The following RRP7A variants were observed in gnomAD, a reference collection of about 807,000 sequenced individuals.
RRP7A encodes ribosomal RNA-processing protein 7 homolog A.
Under a neutral mutation model 38.4 loss-of-function variants are expected in RRP7A, and 27 were observed. That is an observed-to-expected ratio of 0.70 (90% CI 0.52 to 0.97). The LOEUF (loss-of-function observed/expected upper bound fraction) is 0.97, where lower values mean the gene tolerates loss of function less well. Among genes scored for constraint, RRP7A ranks in the 50% least tolerant of loss-of-function variants. The pLI is 0.00. For missense variants in RRP7A, 327 were observed against 375.4 expected (o/e 0.87, Z 1.07); for synonymous variants, 124 against 150.3 (o/e 0.83, Z 1.28).
At chr22:42,519,595 C>G in intron 1 of RRP7A, 119 bp downstream of exon 1, 1 of 868,254 alleles carries the variant, frequency 1.2e-6, no homozygotes, top group South Asian at 2.4e-5. Flanking sequence ...GGGCCACGGG[C>G]CACCGGGGCT....
rs778681044 is a variant in RRP7A at position 42,514,696 on chromosome 22, G to T, written c.544C>A (p.Gln182Lys). Reference protein sequence around the residue: ...EVDTFMEAYDQKIAEEEAKAK... With the variant: ...EVDTFMEAYDKKIAEEEAKAK... The stretch of plus-strand genomic sequence containing the variant: ...GGGGCCTCTACCTCAGCGATCTTCT[G>T]GTCATATGCCTCCATGAACGTGTCC... Residue 182 changes from glutamine (Q) to lysine (K), a missense_variant, in exon 5 of 7, where the codon CAG becomes AAG. Transcript: ENST00000323013. 177 of 1,608,770 alleles carry T rather than the reference G, an allele frequency of 1.1e-4. 1 individual carries two copies. The highest frequency in any genetic ancestry group is 3.3e-4 in the Middle Eastern group (2 of 6,024).
In RRP7A at chr22:42,510,441, G is replaced by A. The variant is rs1324968116; in HGVS notation, c.*2469C>T. 3.5e-6 allele frequency: 1 copy of A among 288,002 alleles called. No homozygotes were observed. Among genetic ancestry groups the A allele is most frequent in the East Asian group, 7.6e-5 (1 of 13,240 alleles). The allele number at this position is 288,002 out of a possible 1,614,324, so 17.8% of individuals were successfully genotyped here. On this transcript the variant is annotated 3_prime_UTR_variant, in exon 7 of 7. Transcript: ENST00000323013. ...CAGCACTTGCTTGCGCCTGGCTTGT[G>A]CCAGCTGAGCGTGAGCTGAGATTAA...
In RRP7A at chr22:42,513,041, G is replaced by A. The variant is rs751032407; in HGVS notation, c.758-46C>T. On this transcript the variant is annotated intron_variant, in intron 6 of 6. Transcript: ENST00000323013. ...GGGGCAGGGTCAGACAGCGCGCCCC[G>A]GGGAAGCTGGCTTGCTCATGCCCCA... The A allele has an allele frequency of 7.6e-5, 116 of 1,534,316 alleles. 2 individuals are homozygous for A. The highest frequency in any genetic ancestry group is 5.0e-4 in the South Asian group (44 of 88,358).
At chr22:42,514,561 CAG>C (rs1920925322) in intron 5 of RRP7A, 119 bp downstream of exon 5, 18 of 909,318 alleles carry the variant, frequency 2.0e-5, no homozygotes, top group Non-Finnish European at 2.9e-5. Flanking sequence ...AGCAGGGAAA[CAG>C]GGAGCCTGGC....
At chr22:42,518,222 C>T (rs1920936528) in intron 1 of RRP7A, 75 bp from the exon 2 acceptor site, 2 of 1,225,386 alleles carry the variant, frequency 1.6e-6, no homozygotes, top group Non-Finnish European at 2.4e-6. Context: ...ACACAACTTC[C>T]TTTCTCCACA....
At chr22:42,515,891 C>A in intron 3 of RRP7A, 120 bp downstream of exon 3, 4 of 1,281,374 alleles carry the variant, frequency 3.1e-6, no homozygotes, top group South Asian at 1.5e-5. Flanking sequence ...ACACCACACA[C>A]GGTGAGGATG....
chr22:42,508,408 T>C lies in RRP7A; in HGVS notation c.*4502A>G, dbSNP rs1467909164. 6.9e-5 allele frequency among the ~76,000 whole-genome samples: 10 copies of C among 145,890 alleles called. No individual in the cohort carries two copies. The highest frequency in any genetic ancestry group is 6.6e-4 in the Admixed American group (10 of 15,038). ...AAGATGTAATCAACATAAAGCTTGATTGCATTATTTTGCATGCTGTTTTCC... is the reference window on the plus strand; with the variant it reads ...AAGATGTAATCAACATAAAGCTTGACTGCATTATTTTGCATGCTGTTTTCC... On this transcript the variant is annotated 3_prime_UTR_variant, in exon 7 of 7. Coordinates refer to ENST00000323013, the MANE Select transcript of RRP7A (RefSeq NM_015703.5).
intron 6 of RRP7A, among the ~76,000 whole-genome samples, chr22:42,513,222 C>T (rs1358752940): frequency 2.8e-5 from 4 of 144,632 alleles, no homozygotes; most frequent in Non-Finnish European, 4.6e-5. Context: ...GAGATGCTGG[C>T]ACCCCCAGCC....
In RRP7A at chr22:42,509,027, G is replaced by A; in HGVS notation, c.*3883C>T. 1 of 1,609,434 alleles carries A rather than the reference G, an allele frequency of 6.2e-7. No individual in the cohort carries two copies. Among genetic ancestry groups the A allele is most frequent in the Non-Finnish European group, 8.5e-7 (1 of 1,175,604 alleles). Reference sequence around the variant, plus strand: ...AATTCACCATGTTTTTGTCTCTGCAGGCAGAGAACAGCATTGACTTCGTCA... The same window carrying A: ...AATTCACCATGTTTTTGTCTCTGCAAGCAGAGAACAGCATTGACTTCGTCA... On this transcript the variant is annotated 3_prime_UTR_variant, in exon 7 of 7. Coordinates refer to ENST00000323013, the MANE Select transcript of RRP7A (RefSeq NM_015703.5).
At chr22:42,518,526 T>C in intron 1 of RRP7A, 1 of 437,136 alleles carries the variant, frequency 2.3e-6, no homozygotes, top group East Asian at 7.0e-5. Context: ...CCCCAGCACC[T>C]TGGATTCTCT....
Position 42,509,339 on chromosome 22 carries a change from T to A in RRP7A, c.*3571A>T, listed in dbSNP as rs1041141308. 6.7e-6 allele frequency among the ~76,000 whole-genome samples: 1 copy of A among 149,300 alleles called. No homozygotes were observed. Among genetic ancestry groups the A allele is most frequent in the Non-Finnish European group, 1.5e-5 (1 of 66,622 alleles). On this transcript the variant is annotated 3_prime_UTR_variant, in exon 7 of 7. Coordinates refer to ENST00000323013, the MANE Select transcript of RRP7A (RefSeq NM_015703.5). Reference sequence around the variant, plus strand: ...GGATGGGCCGGGGCTGTCCCATGCCTTTCCACAGGTGTCAGCGGGGGGCAT... The same window carrying A: ...GGATGGGCCGGGGCTGTCCCATGCCATTCCACAGGTGTCAGCGGGGGGCAT...
chr22:42,516,096 T>G lies in RRP7A; in HGVS notation c.257A>C (p.Gln86Pro). The change falls in exon 3 of 7, where the codon CAG (glutamine) becomes CCG (proline). Residue 86 changes from glutamine to proline, a missense_variant. This residue lies in a region of RRP7A where 183 missense variants were observed against 141.8 expected (regional missense o/e 1.29). Transcript: ENST00000323013. ...CGGCTTCTCCTGCAACTCTACAGACTGGACGAGGCCACAGGTGGACAGGAG... is the reference window on the plus strand; with the variant it reads ...CGGCTTCTCCTGCAACTCTACAGACGGGACGAGGCCACAGGTGGACAGGAG... ...SRLLSTCGLV[Q>P]SVELQEKPDL... The G allele has an allele frequency of 5.6e-6, 9 of 1,613,766 alleles. No individual in the cohort carries two copies. Among genetic ancestry groups the G allele is most frequent in the East Asian group, 2.2e-5 (1 of 44,848 alleles).
At chr22:42,514,071 C>G in intron 6 of RRP7A, 35 bp downstream of exon 6, 7 of 1,591,258 alleles carry the variant, frequency 4.4e-6, no homozygotes, top group Non-Finnish European at 6.0e-6. Context: ...GGGGCCAAGG[C>G]CGAGGGGTCT....
chr22:42,517,667 ATG>A (rs796761568), intron 2 of RRP7A, among the ~76,000 whole-genome samples: 48 of 152,116 alleles, frequency 3.2e-4, no homozygotes, highest in African/African-American at 1.2e-3. Flanking sequence ...CTACCCACAC[ATG>A]CCATCATGCC....
At chr22:42,513,710 CA>C (rs1398893194) in intron 6 of RRP7A, among the ~76,000 whole-genome samples, 2 of 149,112 alleles carry the variant, frequency 1.3e-5, no homozygotes, top group Non-Finnish European at 1.5e-5. Context: ...CACACACACA[CA>C]CACCCACCAC....
In RRP7A at chr22:42,515,995, G is replaced by A. The variant is rs1477034701; in HGVS notation, c.342+16C>T. The A allele has an allele frequency of 1.3e-5, 21 of 1,579,360 alleles. No homozygotes were observed. In the East Asian group the frequency reaches 2.3e-4, roughly 17 times the overall value. The stretch of plus-strand genomic sequence containing the variant: ...ACCCCCCTCACTCTAGTGGAACCCC[G>A]GGCTTGGCGGCTCACCGGAACTGGC... On this transcript the variant is annotated intron_variant, in intron 3 of 6. Coordinates refer to ENST00000323013, the MANE Select transcript of RRP7A (RefSeq NM_015703.5).
At chr22:42,514,928 C>T (rs1173935137) in intron 4 of RRP7A, 149 bp from the exon 5 acceptor site, 9 of 716,462 alleles carry the variant, frequency 1.3e-5, no homozygotes, top group African/African-American at 5.5e-5. Flanking sequence ...GCTGCGCCCT[C>T]GCTCTGCCTG....
chr22:42,515,736 G>A (rs2146622006), intron 3 of RRP7A, among the ~76,000 whole-genome samples: 1 of 152,318 alleles, frequency 6.6e-6, no homozygotes, highest in Non-Finnish European at 1.5e-5. Context: ...TGGGGAAGCA[G>A]GAGGGGAGCC....
chr22:42,514,577 TAC>T, intron 5 of RRP7A, 103 bp downstream of exon 5: 3 of 1,019,914 alleles, frequency 2.9e-6, no homozygotes, highest in Non-Finnish European at 4.5e-6. Flanking sequence ...GCCTGGCCTC[TAC>T]AGAGTGGCCA....
Sources: allele counts gnomAD v4.1 joint callset (sites outside exome capture counted in the v4.1 genomes callset), GRCh38; gene constraint gnomAD v4.1.1; regional missense constraint gnomAD v4.1.1; transcripts MANE v1.5; gene names NCBI Gene and HGNC (gene_info 2026-07-23, HGNC 2026-07-21).